COG5: variants seen among roughly 807,000 people sequenced by gnomAD.
COG5 encodes the protein component of oligomeric golgi complex 5, also known as conserved oligomeric Golgi complex subunit 5.
In COG5, 86 loss-of-function variants were observed where a neutral mutation model predicts 110.4. That is an observed-to-expected ratio of 0.78 (90% confidence interval 0.65 to 0.93). The LOEUF is 0.93. Ranked by LOEUF, COG5 falls within the 40% of genes least tolerant of loss-of-function variation. The pLI is 0.00. For missense variants in COG5, 1,077 were observed against 987.0 expected, an observed-to-expected ratio of 1.09 and a Z score of -1.22; for synonymous variants, 360 against 334.6, an observed-to-expected ratio of 1.08 and a Z score of -0.83.
At position 107,394,927 on chromosome 7, in the gene COG5, T is replaced by C. The variant is rs184404173; in HGVS notation, c.669+17575A>G. Among the ~76,000 whole-genome samples, 14 of 152,252 alleles carry C rather than the reference T, an allele frequency of 9.2e-5. No homozygotes were observed. The East Asian group carries it at 2.7e-3, about 29-fold the overall frequency. Reference sequence around the variant, plus strand: ...AATTCTTTTTTAAGTGTTTCGTCTATAAAAGAAGGGCAACAAATTGAGGGA... The same window carrying C: ...AATTCTTTTTTAAGTGTTTCGTCTACAAAAGAAGGGCAACAAATTGAGGGA... On this transcript the variant is annotated intron_variant, in intron 7 of 21. Coordinates refer to ENST00000297135, the MANE Select transcript of COG5 (RefSeq NM_006348.5).
At chr7:107,271,338 T>C (rs1584602715) in intron 14 of COG5, among the ~76,000 whole-genome samples, 1 of 152,296 alleles carries the variant, frequency 6.6e-6, no homozygotes. Context: ...TTAGAATTTT[T>C]ATTGGAATTA....
chr7:107,362,536 G>C (rs1813217199), intron 8 of COG5, 116 bp from the exon 9 acceptor site: 1 of 693,254 alleles, frequency 1.4e-6, no homozygotes, highest in South Asian at 1.8e-5. Context: ...CCTTCTTTAG[G>C]AAATAATTTA....
intron 6 of COG5, among the ~76,000 whole-genome samples, chr7:107,414,060 T>C (rs1046471469): frequency 6.6e-6 from 1 of 152,188 alleles, no homozygotes; most frequent in African/African-American, 2.4e-5. Flanking sequence ...TCCGATATTC[T>C]TCCAATTTGC....
intron 6 of COG5, among the ~76,000 whole-genome samples, chr7:107,439,118 A>T (rs2129084984): frequency 1.3e-5 from 2 of 152,204 alleles, no homozygotes; most frequent in South Asian, 4.2e-4. Context: ...CCGTAAGGCC[A>T]ACCTCTCCAC....
intron 6 of COG5, among the ~76,000 whole-genome samples, chr7:107,481,465 T>C (rs1267877192): frequency 6.6e-6 from 1 of 152,154 alleles, no homozygotes; most frequent in Non-Finnish European, 1.5e-5. Context: ...CATATGGGAC[T>C]GTAGTGAGGT....
At chr7:107,506,288 A>C (rs1335154985) in intron 6 of COG5, among the ~76,000 whole-genome samples, 1 of 152,186 alleles carries the variant, frequency 6.6e-6, no homozygotes, top group Non-Finnish European at 1.5e-5. Context: ...TGTTGGTCTT[A>C]TGTTACCCAG....
At chr7:107,404,884 T>TG (rs1491391180) in intron 7 of COG5, among the ~76,000 whole-genome samples, 6 of 34,616 alleles carry the variant, frequency 1.7e-4, no homozygotes, top group Admixed American at 3.6e-4. Context: ...TTTCAGAAGA[T>TG]GAAAAAAAAA....
rs754021385 is a variant in COG5, at chr7:107,362,465, A to C, written c.836-45T>G. ...AACAATGAAAAATAAAGTTTTCCAA[A>C]GGCAAATATATATATATATGTTATT... is the stretch of plus-strand genomic sequence containing the variant. On this transcript the variant is annotated intron_variant, in intron 8 of 21. Transcript: ENST00000297135. 1.0e-5 allele frequency: 12 copies of C among 1,166,934 alleles called. No individual in the cohort carries two copies. In the South Asian group the frequency reaches 1.5e-4, roughly 15 times the overall value. 72.3% of individuals were successfully genotyped at this position (1,166,934 alleles called of 1,614,324 possible).
In COG5 at chr7:107,203,384, G is replaced by A. The variant is rs979420649; in HGVS notation, c.*132C>T. On this transcript the variant is annotated 3_prime_UTR_variant, in exon 22 of 22. Transcript: ENST00000297135. ...ATAAGTGCTAAAGAGGTAAATAAAC[G>A]TCGATAGGAAATACCGAACAATCAA... 15 of 724,288 alleles carry A rather than the reference G, an allele frequency of 2.1e-5. No homozygotes were observed. The highest frequency in any genetic ancestry group is 1.0e-4 in the African/African-American group (6 of 57,264). The allele number at this position is 724,288 out of a possible 1,614,324, so 44.9% of individuals were successfully genotyped here.
intron 7 of COG5, among the ~76,000 whole-genome samples, chr7:107,391,034 C>T (rs1790586011): frequency 6.6e-6 from 1 of 152,090 alleles, no homozygotes; most frequent in Non-Finnish European, 1.5e-5. Flanking sequence ...AGCTTGTTTA[C>T]TCATGTGGTC....
rs545274307 is a variant in COG5 at position 107,398,380 on chromosome 7, G to A, written c.669+14122C>T. 8.5e-5 allele frequency among the ~76,000 whole-genome samples: 13 copies of A among 152,326 alleles called. No individual in the cohort carries two copies. The South Asian group carries it at 2.7e-3, about 32-fold the overall frequency. ...TTAGGAACTGGGCCACACAGCAGGA[G>A]GTGAGCGGCAGGGCAGTGAGCATTA... On this transcript the variant is annotated intron_variant, in intron 7 of 21. Coordinates refer to ENST00000297135, the MANE Select transcript of COG5 (RefSeq NM_006348.5).
intron 6 of COG5, among the ~76,000 whole-genome samples, chr7:107,505,320 A>C (rs1442936960): frequency 1.3e-5 from 2 of 152,096 alleles, no homozygotes; most frequent in Non-Finnish European, 2.9e-5. Flanking sequence ...TCTCAGTGAA[A>C]CACACTGAGG....
intron 6 of COG5, among the ~76,000 whole-genome samples, chr7:107,425,845 C>T (rs887188311): frequency 6.6e-6 from 1 of 152,146 alleles, no homozygotes; most frequent in African/African-American, 2.4e-5. Context: ...TCCTAATTCC[C>T]AGTACCTCAA....
At position 107,281,403 on chromosome 7, in the gene COG5, G is replaced by A. The variant is rs375740975; in HGVS notation, c.1476-4C>T. ...AACAGCAGCAACATTTAGTTCACTG[G>A]AGAAAATGAAAACAGTTTTTAAATA... is the stretch of plus-strand genomic sequence containing the variant. On this transcript the variant is annotated splice_region_variant and splice_polypyrimidine_tract_variant and intron_variant, in intron 13 of 21. Coordinates refer to ENST00000297135, the MANE Select transcript of COG5 (RefSeq NM_006348.5). The A allele has an allele frequency of 7.5e-6, 12 of 1,606,054 alleles. No individual in the cohort carries two copies. The East Asian group carries it at 2.7e-4, about 36-fold the overall frequency.
At chr7:107,475,522 T>G (rs1244639257) in intron 6 of COG5, 10 of 503,400 alleles carry the variant, frequency 2.0e-5, no homozygotes, top group Non-Finnish European at 3.6e-5. Flanking sequence ...TATATTCAAT[T>G]TCTTCATTAC....
chr7:107,282,052 C>G (rs1006260518), intron 13 of COG5, among the ~76,000 whole-genome samples: 1 of 148,134 alleles, frequency 6.8e-6, no homozygotes, highest in Non-Finnish European at 1.5e-5. Flanking sequence ...GGAAAGAACA[C>G]TAGAAATTAA....
chr7:107,427,867 A>G lies in COG5; in HGVS notation c.539-15235T>C, dbSNP rs146607635. ...GTTGAGAAGGGCAGAGAAGAGTGTT[A>G]TTAAGCAACAGGACAGCTCTCAGCA... On this transcript the variant is annotated intron_variant, in intron 6 of 21. Coordinates refer to ENST00000297135, the MANE Select transcript of COG5 (RefSeq NM_006348.5). 2.1e-4 allele frequency among the ~76,000 whole-genome samples: 32 copies of G among 152,308 alleles called. No homozygotes were observed. The East Asian group carries it at 6.0e-3, about 29-fold the overall frequency.
intron 6 of COG5, chr7:107,470,554 C>T (rs1194639336): frequency 6.6e-6 from 1 of 152,092 alleles, no homozygotes; most frequent in Non-Finnish European, 1.5e-5. Context: ...TTTAATTCTA[C>T]TTATTGCTAG....
intron 2 of COG5, among the ~76,000 whole-genome samples, chr7:107,556,773 CTTT>C (rs776813038): frequency 1.4e-5 from 2 of 144,728 alleles, no homozygotes. Flanking sequence ...TGTTTTCTTT[CTTT>C]TTTTTTTTTT....
Sources: allele counts gnomAD v4.1 joint callset (sites outside exome capture counted in the v4.1 genomes callset), GRCh38; gene constraint gnomAD v4.1.1; transcripts MANE v1.5; gene names NCBI Gene and HGNC (gene_info 2026-07-23, HGNC 2026-07-21).